Variants in FGL1 observed in about 807,000 individuals in gnomAD.
FGL1 encodes fibrinogen like 1.
A neutral mutation model predicts 43.7 loss-of-function variants in FGL1; 59 were observed. The ratio of observed to expected loss-of-function variants is 1.35; its 90% CI spans 1.10 to 1.68. FGL1 has a LOEUF of 1.68. Ranked by LOEUF, FGL1 falls within the 40% of genes most tolerant of loss-of-function variation. The probability of loss-of-function intolerance (pLI) is 0.00; values close to 1 mark genes in which losing one functional copy is unlikely to be tolerated. For missense variants in FGL1, 596 were observed against 373.0 expected (o/e 1.60, Z -4.92); for synonymous variants, 192 against 126.5 (o/e 1.52, Z -3.48).
intron 1 of FGL1, among the ~76,000 whole-genome samples, chr8:17,894,528 G>A (rs1486833439): frequency 6.8e-6 from 1 of 147,022 alleles, no homozygotes; most frequent in African/African-American, 2.7e-5. Flanking sequence ...AAAGAAAAAT[G>A]TTTCTGAAGT....
intron 7 of FGL1, among the ~76,000 whole-genome samples, chr8:17,866,636 T>G (rs2053274287): frequency 6.6e-6 from 1 of 152,218 alleles, no homozygotes; most frequent in African/African-American, 2.4e-5. Flanking sequence ...CCTTTCTTTG[T>G]GCTCCCTGAA....
At chr8:17,890,396 G>A (rs2053687377) in intron 1 of FGL1, among the ~76,000 whole-genome samples, 1 of 152,124 alleles carries the variant, frequency 6.6e-6, no homozygotes. Context: ...ATTTTTGCCT[G>A]TTCTGGCTAC....
At chr8:17,876,948 A>C (rs188977369) in intron 3 of FGL1, among the ~76,000 whole-genome samples, 3 of 152,300 alleles carry the variant, frequency 2.0e-5, no homozygotes, top group African/African-American at 7.2e-5. Flanking sequence ...AAAAGCTTTT[A>C]ACTGAAATAA....
chr8:17,873,901 C>A, intron 5 of FGL1, 118 bp downstream of exon 5: 1 of 590,570 alleles, frequency 1.7e-6, no homozygotes, highest in African/African-American at 2.0e-5. Context: ...GTTATCACTG[C>A]CATCTGCAAA....
chr8:17,868,472 A>G, intron 7 of FGL1, 76 bp downstream of exon 7: 1 of 1,088,306 alleles, frequency 9.2e-7, no homozygotes, highest in Non-Finnish European at 1.3e-6. Flanking sequence ...ATTACCATAC[A>G]TATTATATTG....
intron 2 of FGL1, 122 bp downstream of exon 2, chr8:17,885,370 G>T: frequency 1.3e-6 from 1 of 783,378 alleles, no homozygotes. Flanking sequence ...CAGCCTCTTT[G>T]CTTTTCCCAC....
chr8:17,873,423 A>G (rs1263888175), intron 5 of FGL1, among the ~76,000 whole-genome samples: 1 of 152,144 alleles, frequency 6.6e-6, no homozygotes, highest in African/African-American at 2.4e-5. Context: ...CAGACTCATA[A>G]GCAAGCCCAG....
rs202168140 is a variant in FGL1, at chr8:17,882,149, G to T, written c.94C>A (p.Arg32=). The T allele has an allele frequency of 4.3e-5, 69 of 1,613,730 alleles. No individual in the cohort carries two copies. In the East Asian group the frequency reaches 7.8e-4, roughly 18 times the overall value. ...ALEDCAQEQM[R]LRAQVRLLET... ...AGCAGGCGCACCTGGGCTCTGAGCC[G>T]CATCTGCTCCTGGGCACAGTCCTCG... is the stretch of plus-strand genomic sequence containing the variant. The change falls in exon 3 of 8, where the codon CGG becomes AGG. Residue 32 remains arginine, a synonymous_variant. Coordinates refer to ENST00000427924, the MANE Select transcript of FGL1 (RefSeq NM_004467.4).
At chr8:17,882,758 A>G (rs2053557621) in intron 2 of FGL1, 1 of 118,584 alleles carries the variant, frequency 8.4e-6, no homozygotes, top group African/African-American at 4.1e-5. Context: ...TATATATAAT[A>G]TATAATATAT....
intron 1 of FGL1, among the ~76,000 whole-genome samples, chr8:17,887,590 C>T (rs1040615415): frequency 1.3e-5 from 2 of 152,274 alleles, no homozygotes; most frequent in South Asian, 2.1e-4. Context: ...TGGCTCACAC[C>T]TGTAATCCCA....
At chr8:17,877,613 GA>G (rs36113738) in intron 3 of FGL1, among the ~76,000 whole-genome samples, 103,391 of 148,148 alleles carry the variant, frequency 0.7, 36,111 homozygotes, top group Middle Eastern at 0.76. Context: ...GCAACATAAG[GA>G]AAAAAAAAAA....
At chr8:17,885,709 C>A in intron 1 of FGL1, 138 bp from the exon 2 acceptor site, 1 of 623,588 alleles carries the variant, frequency 1.6e-6, no homozygotes, top group Non-Finnish European at 2.8e-6. Context: ...GGAAATTCTC[C>A]CAGACTTTCC....
intron 2 of FGL1, among the ~76,000 whole-genome samples, chr8:17,884,376 G>T (rs900479107): frequency 6.6e-6 from 1 of 152,036 alleles, no homozygotes; most frequent in Non-Finnish European, 1.5e-5. Context: ...TGTATTTTTA[G>T]TAGAGATGGG....
chr8:17,883,783 T>TCCTTCTCTCTC (rs1297347045), intron 2 of FGL1, among the ~76,000 whole-genome samples: 1 of 144,590 alleles, frequency 6.9e-6, no homozygotes, highest in African/African-American at 2.6e-5. Flanking sequence ...CTAGGATGGT[T>TCCTTCTCTCTC]TCTCCCTTTT....
At chr8:17,887,224 G>T (rs960803115) in intron 1 of FGL1, among the ~76,000 whole-genome samples, 3 of 152,098 alleles carry the variant, frequency 2.0e-5, no homozygotes, top group Non-Finnish European at 4.4e-5. Flanking sequence ...GAACAGCAGA[G>T]CTTCACCGAA....
In FGL1 at chr8:17,881,138, A is replaced by ATTTTTTTTTTTTTTTTTTTTTT. The variant is rs34570292; in HGVS notation, c.244+860_244+861insAAAAAAAAAAAAAAAAAAAAAA. 3.7e-4 allele frequency among the ~76,000 whole-genome samples: 53 copies of ATTTTTTTTTTTTTTTTTTTTTT among 142,944 alleles called. 3 individuals are homozygous for ATTTTTTTTTTTTTTTTTTTTTT. Among genetic ancestry groups the ATTTTTTTTTTTTTTTTTTTTTT allele is most frequent in the African/African-American group, 1.3e-3 (47 of 36,838 alleles). 93.8% of individuals were successfully genotyped at this position (142,944 alleles called of 152,430 possible). A position where few individuals can be genotyped will look rare whatever the true frequency, so the allele number is the denominator to read the frequency against. ...ATTGTAATCTGCCATGTGTACACGG[A>ATTTTTTTTTTTTTTTTTTTTTT]TTTTTTTTTTTTTTTTGAGACAGAG... On this transcript the variant is annotated intron_variant, in intron 3 of 7. Coordinates refer to ENST00000427924, the MANE Select transcript of FGL1 (RefSeq NM_004467.4).
At chr8:17,883,725 C>A (rs979452122) in intron 2 of FGL1, among the ~76,000 whole-genome samples, 3 of 147,442 alleles carry the variant, frequency 2.0e-5, no homozygotes, top group African/African-American at 7.4e-5. Context: ...CATCTCCCCT[C>A]CCTCCCATCT....
chr8:17,873,004 T>C (rs1428376401), intron 5 of FGL1, among the ~76,000 whole-genome samples: 1 of 152,210 alleles, frequency 6.6e-6, no homozygotes, highest in East Asian at 1.9e-4. Flanking sequence ...TTGAAACTTC[T>C]TTCAAATTGG....
At chr8:17,889,066 G>C (rs1563462191) in intron 1 of FGL1, among the ~76,000 whole-genome samples, 1 of 152,112 alleles carries the variant, frequency 6.6e-6, no homozygotes, top group African/African-American at 2.4e-5. Context: ...TGCGTGGCCT[G>C]GGGCATTATA....
Sources: allele counts gnomAD v4.1 joint callset (sites outside exome capture counted in the v4.1 genomes callset), GRCh38; gene constraint gnomAD v4.1.1; transcripts MANE v1.5; gene names NCBI Gene and HGNC (gene_info 2026-07-23, HGNC 2026-07-21).